Variants in TMEM255B observed in about 807,000 individuals in gnomAD.
TMEM255B encodes the protein transmembrane protein 255B, also known as family with sequence similarity 70, member B.
Under a neutral mutation model 34.5 loss-of-function variants are expected in TMEM255B, and 35 were observed. The observed-to-expected ratio is 1.01, with a 90% CI of 0.77 to 1.34. TMEM255B has a LOEUF of 1.34. TMEM255B is among the 40% of genes most tolerant of loss of function. The pLI, the probability that TMEM255B is intolerant of heterozygous loss-of-function variation, is 0.00. For synonymous variants in TMEM255B, 206 were observed against 201.2 expected, an observed-to-expected ratio of 1.02 and a Z score of -0.20; for missense variants, 432 against 433.2, an observed-to-expected ratio of 1.00 and a Z score of 0.02.
intron 4 of TMEM255B, among the ~76,000 whole-genome samples, chr13:113,798,450 G>A (rs1458466862): frequency 5.3e-5 from 8 of 151,076 alleles, no homozygotes; most frequent in Admixed American, 6.6e-5. Flanking sequence ...TGGATGAATC[G>A]AAGGATGGAT....
At position 113,761,289 on chromosome 13, in the gene TMEM255B, A is replaced by G. The variant is rs1030405432; in HGVS notation, c.46+1974A>G. The G allele has an allele frequency of 1.2e-5, 12 of 985,042 alleles. No homozygotes were observed. In the Admixed American group the frequency reaches 3.7e-4, roughly 30 times the overall value. 61.0% of individuals were successfully genotyped at this position (985,042 alleles called of 1,614,324 possible). ...ATTCCCCTTCCTGGCTCTGTGGAGT[A>G]GAGGAAATGGGTCTGAGGGGCAGGA... On this transcript the variant is annotated intron_variant, in intron 1 of 8. Transcript: ENST00000375353.
intron 3 of TMEM255B, among the ~76,000 whole-genome samples, chr13:113,791,002 A>G (rs2050824632): frequency 6.6e-6 from 1 of 152,234 alleles, no homozygotes; most frequent in Non-Finnish European, 1.5e-5. Context: ...ATGCATGACC[A>G]AGTTTGAATG....
intron 8 of TMEM255B, among the ~76,000 whole-genome samples, chr13:113,807,330 C>T (rs111762974): frequency 0.013 from 1,788 of 140,992 alleles, 38 homozygotes; most frequent in African/African-American, 0.046. Context: ...CGCAGGCTTA[C>T]GGGATGTGGG....
At chr13:113,782,675 A>C (rs9577900) in intron 3 of TMEM255B, among the ~76,000 whole-genome samples, 1,405 of 129,264 alleles carry the variant, frequency 0.011, 24 homozygotes, top group African/African-American at 0.045. Context: ...TGATGGTCGG[A>C]GGGGGGGGCT....
rs2050999404 is a variant in TMEM255B at position 113,799,367 on chromosome 13, G to A, written c.371G>A (p.Cys124Tyr). 9 of 1,614,164 alleles carry A rather than the reference G, an allele frequency of 5.6e-6. No individual in the cohort carries two copies. The highest frequency in any genetic ancestry group is 1.1e-5 in the South Asian group (1 of 91,068). The change falls in exon 5 of 9, where the codon TGC becomes TAC. Residue 124 changes from cysteine to tyrosine, a missense_variant. Coordinates refer to ENST00000375353, the MANE Select transcript of TMEM255B (RefSeq NM_182614.4). ...IEPRPLTTGR[C>Y]QFYSSGVGYL... ...CCGAGGCCCCTCACCACGGGAAGAT[G>A]CCAGTTTTACTCCAGTGGGGTGGGG...
At chr13:113,781,430 ATC>A (rs886066201) in intron 3 of TMEM255B, among the ~76,000 whole-genome samples, 1 of 152,242 alleles carries the variant, frequency 6.6e-6, no homozygotes, top group African/African-American at 2.4e-5. Context: ...CCTCCTTATA[ATC>A]TTTTTACCAA....
At chr13:113,801,517 A>G (rs548009548) in intron 6 of TMEM255B, 136 bp from the exon 7 acceptor site, 120 of 1,021,550 alleles carry the variant, frequency 1.2e-4, no homozygotes, top group Admixed American at 2.1e-4. Flanking sequence ...AGAGCAGTGC[A>G]GGGATGGGCG....
Position 113,770,761 on chromosome 13 carries a change from C to T in TMEM255B, c.252+1601C>T, listed in dbSNP as rs778735859. Among the ~76,000 whole-genome samples, 30 of 152,242 alleles carry T rather than the reference C, an allele frequency of 2.0e-4. No individual in the cohort carries two copies. The highest frequency in any genetic ancestry group is 2.8e-4 in the Non-Finnish European group (19 of 68,012). On this transcript the variant is annotated intron_variant, in intron 3 of 8. Transcript: ENST00000375353. The surrounding 1 kb of genome is among the most constrained non-coding windows in gnomAD (Gnocchi z 4.6). The stretch of plus-strand genomic sequence containing the variant: ...GTCACAGAATGGTGTTGGAAACAGA[C>T]GCCACCTTTGGGAGCCAGCATGCCC...
At chr13:113,794,003 G>T (rs2050876934) in intron 3 of TMEM255B, among the ~76,000 whole-genome samples, 1 of 152,264 alleles carries the variant, frequency 6.6e-6, no homozygotes. Context: ...TAGCGTTAGA[G>T]CCTTGGCAGA....
At chr13:113,793,980 C>T (rs946812681) in intron 3 of TMEM255B, among the ~76,000 whole-genome samples, 3 of 152,222 alleles carry the variant, frequency 2.0e-5, no homozygotes, top group Admixed American at 6.5e-5. Flanking sequence ...GTCCCACCTG[C>T]GAATCCAGCG....
chr13:113,791,751 T>A (rs184422755), intron 3 of TMEM255B, among the ~76,000 whole-genome samples: 1 of 152,324 alleles, frequency 6.6e-6, no homozygotes, highest in Non-Finnish European at 1.5e-5. Context: ...TTCTTCATCT[T>A]TAAGTCTTTT....
intron 3 of TMEM255B, among the ~76,000 whole-genome samples, chr13:113,776,776 C>T (rs530339947): frequency 6.6e-6 from 1 of 152,282 alleles, no homozygotes; most frequent in Non-Finnish European, 1.5e-5. Context: ...TTGGTTTTCC[C>T]TTGGTTGTCT....
At chr13:113,763,082 C>T (rs1161789302) in intron 1 of TMEM255B, among the ~76,000 whole-genome samples, 1 of 152,166 alleles carries the variant, frequency 6.6e-6, no homozygotes, top group Non-Finnish European at 1.5e-5. Context: ...GAGTTGAAGG[C>T]ACCTAGCATT....
chr13:113,774,650 TACACAAC>T (rs2050534536), intron 3 of TMEM255B, among the ~76,000 whole-genome samples: 4 of 101,976 alleles, frequency 3.9e-5, no homozygotes, highest in South Asian at 3.4e-4. Context: ...ACACACACTA[TACACAAC>T]ACACACCACA....
At chr13:113,811,396 G>A (rs1435254238) in intron 8 of TMEM255B, among the ~76,000 whole-genome samples, 5 of 119,412 alleles carry the variant, frequency 4.2e-5, no homozygotes, top group South Asian at 3.2e-4. Context: ...GGAGGGGGAC[G>A]TAAGAGTGGC....
At position 113,811,739 on chromosome 13, in the gene TMEM255B, TG is replaced by T; in HGVS notation, c.818del (p.Cys273SerfsTer60). On this transcript the variant is annotated frameshift_variant, in exon 9 of 9. Transcript: ENST00000375353. LOFTEE classifies it low-confidence loss of function (END_TRUNC). ...GGGCCCTCTCTGTTTATTGCAGCCC[TG>T]CAGCCGCTTCCCAGTTGCGCCCTCC... ...CSSYPLPLQP[C>X]SRFPVAPSSA... 6.2e-7 allele frequency: 1 copy of T among 1,613,622 alleles called. No homozygotes were observed. The highest frequency in any genetic ancestry group is 8.5e-7 in the Non-Finnish European group (1 of 1,179,776).
intron 3 of TMEM255B, among the ~76,000 whole-genome samples, chr13:113,789,773 T>G (rs926637235): frequency 1.3e-5 from 2 of 152,086 alleles, no homozygotes; most frequent in African/African-American, 2.4e-5. Context: ...CATGTGGACA[T>G]CCTAGCCCTG....
intron 4 of TMEM255B, 21 bp downstream of exon 4, chr13:113,795,258 T>C: frequency 1.2e-6 from 2 of 1,606,210 alleles, no homozygotes; most frequent in Middle Eastern, 1.7e-4. Context: ...TGTCATTGTG[T>C]GCACAGTCGC....
chr13:113,802,004 C>T (rs2051075534), intron 7 of TMEM255B, among the ~76,000 whole-genome samples, 192 bp downstream of exon 7: 1 of 152,248 alleles, frequency 6.6e-6, no homozygotes, highest in African/African-American at 2.4e-5. Flanking sequence ...TGTCCCAAGC[C>T]TGTCACAAGA....
Sources: allele counts gnomAD v4.1 joint callset (sites outside exome capture counted in the v4.1 genomes callset), GRCh38; gene constraint gnomAD v4.1.1; non-coding constraint Gnocchi (gnomAD v3.1); transcripts MANE v1.5; gene names NCBI Gene and HGNC (gene_info 2026-07-23, HGNC 2026-07-21).